The following DOCK1 variants were observed in gnomAD, a reference collection of about 807,000 sequenced individuals.
DOCK1 encodes the protein dedicator of cytokinesis protein 1.
A neutral mutation model predicts 262.7 loss-of-function variants in DOCK1; 138 were observed. The observed-to-expected ratio is 0.53, with a 90% confidence interval of 0.46 to 0.61. The LOEUF is 0.61. Ranked by LOEUF, DOCK1 falls within the 20% of genes least tolerant of loss-of-function variation. The pLI is 0.00. For missense variants in DOCK1, 1,908 were observed against 2,370.7 expected (o/e 0.80, Z 4.05); for synonymous variants, 866 against 867.4 (o/e 1.00, Z 0.03).
intron 29 of DOCK1, among the ~76,000 whole-genome samples, chr10:127,327,061 T>C (rs915301587): frequency 2.6e-5 from 4 of 152,238 alleles, no homozygotes; most frequent in Non-Finnish European, 4.4e-5. Flanking sequence ...CTTGCATTTA[T>C]AGAGCATATG....
intron 14 of DOCK1, 121 bp downstream of exon 14, chr10:127,023,445 T>C (rs982408249): frequency 2.2e-6 from 3 of 1,360,300 alleles, no homozygotes; most frequent in African/African-American, 1.5e-5. Flanking sequence ...TTTCTTGGGA[T>C]TGGCGTTGGT....
chr10:127,348,589 C>T (rs1341862843), intron 31 of DOCK1, among the ~76,000 whole-genome samples: 2 of 152,120 alleles, frequency 1.3e-5, no homozygotes, highest in Admixed American at 1.3e-4. Context: ...GAGAGACCAT[C>T]CACAAAGACC....
At chr10:127,015,015 G>A (rs1437465594) in intron 12 of DOCK1, 2 of 152,156 alleles carry the variant, frequency 1.3e-5, no homozygotes, top group Non-Finnish European at 2.9e-5. Context: ...CTTGCCTTTT[G>A]TGGTCACTTG....
At chr10:127,314,552 A>C (rs542400852) in intron 29 of DOCK1, among the ~76,000 whole-genome samples, 1 of 152,288 alleles carries the variant, frequency 6.6e-6, no homozygotes, top group Admixed American at 6.5e-5. Flanking sequence ...ACGGTAATGT[A>C]TGCATGTACA....
At chr10:127,084,660 A>G (rs1236035817) in intron 23 of DOCK1, among the ~76,000 whole-genome samples, 3 of 152,234 alleles carry the variant, frequency 2.0e-5, no homozygotes, top group Non-Finnish European at 4.4e-5. Context: ...TAACGGGTTT[A>G]CATGAGGGAA....
intron 18 of DOCK1, among the ~76,000 whole-genome samples, chr10:127,034,445 A>G (rs780149928): frequency 2.0e-5 from 3 of 152,212 alleles, no homozygotes; most frequent in South Asian, 2.1e-4. Context: ...CCCTCCCACA[A>G]CACGTGGGAA....
In DOCK1 at chr10:127,176,045, C is replaced by T. The variant is rs768912755; in HGVS notation, c.2847+48281C>T. The T allele has an allele frequency of 1.5e-5, 24 of 1,613,982 alleles. No individual in the cohort carries two copies. Among genetic ancestry groups the T allele is most frequent in the Middle Eastern group, 1.6e-4 (1 of 6,084 alleles). On this transcript the variant is annotated intron_variant, in intron 27 of 51. Coordinates refer to ENST00000623213, the MANE Select transcript of DOCK1 (RefSeq NM_001290223.2). The surrounding 1 kb of genome is among the most constrained non-coding windows in gnomAD (Gnocchi z 4.4). ...TCCCCTTTTTGCGGTCCAGAGGGAA[C>T]GTCTGGTAACACTTCTTAAGGTCGG...
chr10:126,955,778 A>G, intron 1 of DOCK1, among the ~76,000 whole-genome samples: 1 of 152,070 alleles, frequency 6.6e-6, no homozygotes, highest in Non-Finnish European at 1.5e-5. Context: ...TGAGCAGTTC[A>G]GTGGCTCACT....
At chr10:126,938,965 G>A (rs1229466915) in intron 1 of DOCK1, among the ~76,000 whole-genome samples, 2 of 90,878 alleles carry the variant, frequency 2.2e-5, no homozygotes, top group Admixed American at 2.7e-4. Context: ...AACACCTGGG[G>A]GGACAAACAC....
chr10:127,161,971 A>C (rs1451612060), intron 27 of DOCK1, among the ~76,000 whole-genome samples: 1 of 152,220 alleles, frequency 6.6e-6, no homozygotes, highest in Non-Finnish European at 1.5e-5. Flanking sequence ...AACTCTGGAA[A>C]ACTGTCTCCC....
chr10:126,968,217 C>T (rs1319587518), intron 1 of DOCK1, among the ~76,000 whole-genome samples: 1 of 152,152 alleles, frequency 6.6e-6, no homozygotes, highest in Non-Finnish European at 1.5e-5. Context: ...ACTCTATCTG[C>T]ATCCTTCCGC....
intron 27 of DOCK1, among the ~76,000 whole-genome samples, chr10:127,132,903 T>C (rs2050410242): frequency 6.6e-6 from 1 of 152,202 alleles, no homozygotes; most frequent in Non-Finnish European, 1.5e-5. Context: ...TGTGGGCTTC[T>C]TTTAAGGAAA....
chr10:127,139,879 A>G (rs144238357), intron 27 of DOCK1, among the ~76,000 whole-genome samples: 51 of 152,344 alleles, frequency 3.3e-4, no homozygotes, highest in African/African-American at 1.2e-3. Context: ...TTGTACCATT[A>G]TTATCTATTG....
At position 127,012,405 on chromosome 10, in the gene DOCK1, C is replaced by T. The variant is rs9418691; in HGVS notation, c.1201+31C>T. 0.19 allele frequency: 305,458 copies of T among 1,606,976 alleles called. 30,048 individuals carry two copies. Among genetic ancestry groups the T allele is most frequent in the South Asian group, 0.24 (21,356 of 90,782 alleles). The stretch of plus-strand genomic sequence containing the variant: ...TATTTTCCTATTTTGTTTCTATCAG[C>T]GTGTATTTGCATGCGTTGGGGCAGT... On this transcript the variant is annotated intron_variant, in intron 12 of 51. Coordinates refer to ENST00000623213, the MANE Select transcript of DOCK1 (RefSeq NM_001290223.2). The surrounding 1 kb of genome is among the most constrained non-coding windows in gnomAD (Gnocchi z 4.0).
In DOCK1 at chr10:127,437,575, C is replaced by T. The variant is rs1222646137; in HGVS notation, c.5061-1452C>T. On this transcript the variant is annotated intron_variant, in intron 48 of 51. Coordinates refer to ENST00000623213, the MANE Select transcript of DOCK1 (RefSeq NM_001290223.2). The surrounding 1 kb of genome is among the most constrained non-coding windows in gnomAD (Gnocchi z 4.4). Reference sequence around the variant, plus strand: ...CTCACTGCAATTTCTACCTCCCAGGCTCAAGCCATCCTGCCACCTCAGCCT... The same window carrying T: ...CTCACTGCAATTTCTACCTCCCAGGTTCAAGCCATCCTGCCACCTCAGCCT... Among the ~76,000 whole-genome samples the T allele has an allele frequency of 6.6e-6, 1 of 151,892 alleles. No individual in the cohort carries two copies. The highest frequency in any genetic ancestry group is 1.9e-4 in the East Asian group (1 of 5,148).
intron 1 of DOCK1, among the ~76,000 whole-genome samples, chr10:126,949,483 A>C (rs1195890581): frequency 6.6e-6 from 1 of 152,152 alleles, no homozygotes; most frequent in African/African-American, 2.4e-5. Context: ...GGTTGGTCCT[A>C]TGATGAGACC....
chr10:126,983,485 T>C (rs1393818060), intron 4 of DOCK1, among the ~76,000 whole-genome samples: 1 of 152,216 alleles, frequency 6.6e-6, no homozygotes, highest in East Asian at 1.9e-4. Flanking sequence ...AGTCTGTCTC[T>C]TTCAGGATCT....
chr10:127,451,294 C>G (rs566698490), intron 51 of DOCK1, 38 bp from the exon 52 acceptor site: 1 of 1,559,014 alleles, frequency 6.4e-7, no homozygotes, highest in South Asian at 1.2e-5. Flanking sequence ...GTCAGGACAT[C>G]AGTTATGTGA....
intron 11 of DOCK1, among the ~76,000 whole-genome samples, chr10:127,011,117 A>G (rs1357192464): frequency 6.6e-6 from 1 of 152,158 alleles, no homozygotes; most frequent in Non-Finnish European, 1.5e-5. Flanking sequence ...ATGTTATTCC[A>G]TGTGTAACTC....
Sources: allele counts gnomAD v4.1 joint callset (sites outside exome capture counted in the v4.1 genomes callset), GRCh38; gene constraint gnomAD v4.1.1; non-coding constraint Gnocchi (gnomAD v3.1); transcripts MANE v1.5; gene names NCBI Gene and HGNC (gene_info 2026-07-23, HGNC 2026-07-21).